PACRG: variants seen among roughly 807,000 people sequenced by gnomAD.
The protein encoded by PACRG is parkin coregulated gene protein.
PACRG carries 29 observed loss-of-function variants against 29.7 expected under a neutral mutation model. The observed-to-expected ratio is 0.98, with a 90% CI of 0.73 to 1.33. PACRG has a LOEUF of 1.33. PACRG is among the 40% of genes most tolerant of loss of function. PACRG has a pLI of 0.00. For missense variants in PACRG, 279 were observed against 316.2 expected (o/e 0.88, Z 0.89); for synonymous variants, 116 against 118.7 (o/e 0.98, Z 0.15).
At chr6:162,878,089 TTAG>T (rs1262321975) in intron 2 of PACRG, among the ~76,000 whole-genome samples, 4 of 152,182 alleles carry the variant, frequency 2.6e-5, no homozygotes, top group African/African-American at 9.6e-5. Flanking sequence ...CATAATAATA[TTAG>T]TAGATTAAAA....
intron 1 of PACRG, among the ~76,000 whole-genome samples, chr6:162,747,509 C>A: frequency 1.7e-5 from 1 of 60,162 alleles, no homozygotes; most frequent in South Asian, 6.4e-4. Context: ...TAGTTCTGTC[C>A]CTCCAGAGAC....
At chr6:163,114,603 A>C (rs1391852944) in intron 4 of PACRG, among the ~76,000 whole-genome samples, 1 of 152,226 alleles carries the variant, frequency 6.6e-6, no homozygotes, top group East Asian at 1.9e-4. Context: ...AGCCAGACAC[A>C]GAAAGAAAAA....
intron 1 of PACRG, among the ~76,000 whole-genome samples, chr6:162,756,514 A>C (rs569763555): frequency 6.6e-6 from 1 of 152,130 alleles, no homozygotes; most frequent in African/African-American, 2.4e-5. Context: ...CCAGGCCTAC[A>C]TTTTCAGTCT....
chr6:163,287,768 C>T (rs1249187230), intron 4 of PACRG, among the ~76,000 whole-genome samples: 6 of 152,214 alleles, frequency 3.9e-5, no homozygotes, highest in Admixed American at 3.3e-4. Context: ...AACGAGGAAC[C>T]GGGGTACATG....
At chr6:162,982,142 T>A (rs527517645) in intron 2 of PACRG, among the ~76,000 whole-genome samples, 1 of 152,150 alleles carries the variant, frequency 6.6e-6, no homozygotes, top group South Asian at 2.1e-4. Context: ...TTACAATATC[T>A]CCCATTTTGT....
intron 4 of PACRG, among the ~76,000 whole-genome samples, chr6:163,295,533 T>C (rs1250234221): frequency 6.6e-6 from 1 of 152,246 alleles, no homozygotes; most frequent in Non-Finnish European, 1.5e-5. Flanking sequence ...CATGAACTCC[T>C]TGAATTGATC....
chr6:163,158,302 C>T (rs752798799), intron 4 of PACRG, among the ~76,000 whole-genome samples: 6 of 152,238 alleles, frequency 3.9e-5, no homozygotes, highest in Middle Eastern at 6.8e-3. Context: ...AAAGCAATCC[C>T]GGTGATGAGG....
At chr6:163,312,763 T>G in intron 4 of PACRG, 1 of 441,996 alleles carries the variant, frequency 2.3e-6, no homozygotes. Flanking sequence ...GTTTTGTTTG[T>G]TTGTTTTTGA....
chr6:163,264,257 G>C (rs1205642486), intron 4 of PACRG, among the ~76,000 whole-genome samples: 2 of 152,232 alleles, frequency 1.3e-5, no homozygotes, highest in Non-Finnish European at 2.9e-5. Flanking sequence ...GAAAGGAAAT[G>C]CTTGTTTCTG....
chr6:162,779,767 C>G (rs976748167), intron 1 of PACRG, among the ~76,000 whole-genome samples: 4 of 152,148 alleles, frequency 2.6e-5, no homozygotes, highest in African/African-American at 9.7e-5. Flanking sequence ...TAGTCCATTT[C>G]TAATCAAGAT....
intron 1 of PACRG, among the ~76,000 whole-genome samples, chr6:162,738,961 T>C (rs538635485): frequency 1.5e-3 from 235 of 152,298 alleles, no homozygotes; most frequent in Non-Finnish European, 2.7e-3. Flanking sequence ...GGTTTCTACA[T>C]TGCAGTATCA....
At chr6:162,792,070 G>A (rs1168778405) in intron 1 of PACRG, among the ~76,000 whole-genome samples, 2 of 152,180 alleles carry the variant, frequency 1.3e-5, no homozygotes, top group African/African-American at 4.8e-5. Context: ...ATATAAAATA[G>A]CCATCTGTGT....
At chr6:163,115,552 T>C (rs1317378342) in intron 4 of PACRG, among the ~76,000 whole-genome samples, 1 of 152,058 alleles carries the variant, frequency 6.6e-6, no homozygotes, top group African/African-American at 2.4e-5. Flanking sequence ...AAGAGATAGT[T>C]TGTGTGAAAG....
At chr6:162,778,278 G>C (rs975856546) in intron 1 of PACRG, among the ~76,000 whole-genome samples, 1 of 152,150 alleles carries the variant, frequency 6.6e-6, no homozygotes, top group African/African-American at 2.4e-5. Context: ...TTATGTGATG[G>C]GAAGGGGGCT....
At chr6:163,013,901 G>T (rs1446367178) in intron 2 of PACRG, among the ~76,000 whole-genome samples, 1 of 149,710 alleles carries the variant, frequency 6.7e-6, no homozygotes, top group Non-Finnish European at 1.5e-5. Context: ...TTGGCTTTTG[G>T]TTAATTTGAA....
intron 2 of PACRG, among the ~76,000 whole-genome samples, chr6:162,905,617 G>A (rs994498542): frequency 1.3e-5 from 2 of 152,198 alleles, no homozygotes; most frequent in African/African-American, 4.8e-5. Flanking sequence ...TGTGGAAAGG[G>A]AGAGAGGGAG....
chr6:162,763,162 G>T (rs1021348829), intron 1 of PACRG, among the ~76,000 whole-genome samples: 1 of 152,168 alleles, frequency 6.6e-6, no homozygotes. Flanking sequence ...CATGTGACAG[G>T]AGAGTATAGC....
chr6:163,246,067 A>G (rs143866335), intron 4 of PACRG, among the ~76,000 whole-genome samples: 190 of 152,242 alleles, frequency 1.2e-3, no homozygotes, highest in African/African-American at 3.9e-3. Flanking sequence ...CCCATCGTCC[A>G]CTCAGTAGCC....
In PACRG at chr6:162,911,302, C is replaced by T. The variant is rs139632255; in HGVS notation, c.291+97021C>T. 2.9e-3 allele frequency among the ~76,000 whole-genome samples: 443 copies of T among 152,134 alleles called. 3 individuals are homozygous for T. The highest frequency in any genetic ancestry group is 3.2e-3 in the Non-Finnish European group (219 of 67,982). The stretch of plus-strand genomic sequence containing the variant: ...CACTCAGGTACATGTACAATTTTAC[C>T]ACAAGTGTTTTGAAAGTACAAGTGT... On this transcript the variant is annotated intron_variant, in intron 2 of 4. Transcript: ENST00000366888.
Sources: allele counts gnomAD v4.1 joint callset (sites outside exome capture counted in the v4.1 genomes callset), GRCh38; gene constraint gnomAD v4.1.1; transcripts MANE v1.5; gene names NCBI Gene and HGNC (gene_info 2026-07-23, HGNC 2026-07-21).